The following SRGAP2B variants were observed in gnomAD, a reference collection of about 807,000 sequenced individuals.
SRGAP2B encodes the protein SLIT-ROBO Rho GTPase activating protein 2B.
SRGAP2B carries 9 observed loss-of-function variants against 22.2 expected under a neutral mutation model. That is an observed-to-expected ratio of 0.41 (90% CI 0.24 to 0.71). SRGAP2B has a LOEUF of 0.71. Ranked by LOEUF, SRGAP2B falls within the 30% of genes least tolerant of loss-of-function variation. The pLI is 0.35. For missense variants in SRGAP2B, 114 were observed against 235.8 expected, an observed-to-expected ratio of 0.48 and a Z score of 3.38; for synonymous variants, 36 against 87.4, an observed-to-expected ratio of 0.41 and a Z score of 3.28.
chr1:144,991,309 G>C (rs1570945948), intron 3 of SRGAP2B, among the ~76,000 whole-genome samples: 1 of 150,168 alleles, frequency 6.7e-6, no homozygotes, highest in Non-Finnish European at 1.5e-5. Flanking sequence ...TCCATATCTA[G>C]CTCAAGGTTT....
At chr1:144,956,737 C>T (rs2480392) in intron 3 of SRGAP2B, among the ~76,000 whole-genome samples, 3 of 150,080 alleles carry the variant, frequency 2.0e-5, no homozygotes, top group Admixed American at 1.3e-4. Context: ...AGTGAGCCAC[C>T]GCGCCCGGCC....
chr1:144,984,722 C>T (rs1553615643), intron 3 of SRGAP2B, among the ~76,000 whole-genome samples: 1 of 149,974 alleles, frequency 6.7e-6, no homozygotes, highest in Non-Finnish European at 1.5e-5. Flanking sequence ...CAACTGGTTT[C>T]CTTGGTCTCA....
chr1:145,019,756 A>G (rs1176214036), intron 2 of SRGAP2B, among the ~76,000 whole-genome samples: 1 of 142,350 alleles, frequency 7.0e-6, no homozygotes, highest in Non-Finnish European at 1.5e-5. Flanking sequence ...TGATGTAGAT[A>G]TAGATATTTA....
At chr1:144,934,403 CAAAAAAAAAA>C (rs782588401) in intron 4 of SRGAP2B, among the ~76,000 whole-genome samples, 18 of 40,692 alleles carry the variant, frequency 4.4e-4, no homozygotes, top group Admixed American at 9.4e-4. Context: ...AACTCCATCT[CAAAAAAAAAA>C]AAAAAAAAAA....
In SRGAP2B at chr1:145,064,707, G is replaced by A. The variant is rs1238590243; in HGVS notation, c.67+28128C>T. Among the ~76,000 whole-genome samples, 68 of 150,572 alleles carry A rather than the reference G, an allele frequency of 4.5e-4. 4 individuals are homozygous for A. Among genetic ancestry groups the A allele is most frequent in the African/African-American group, 1.5e-3 (61 of 40,202 alleles). On this transcript the variant is annotated intron_variant, in intron 2 of 9. Coordinates refer to ENST00000612199, the Ensembl canonical transcript of SRGAP2B. ...GCTGTCTTAGATCAGAGGAGATAGA[G>A]CTTTTACTCTAACAGAAGATATCAG...
At chr1:145,044,224 C>G (rs1208693034) in intron 2 of SRGAP2B, among the ~76,000 whole-genome samples, 1 of 131,108 alleles carries the variant, frequency 7.6e-6, no homozygotes, top group South Asian at 2.5e-4. Flanking sequence ...TTTTTTTTTG[C>G]CAGAAAGCAA....
In SRGAP2B at chr1:144,951,252, T is replaced by A. The variant is rs879950212; in HGVS notation, c.423+4187A>T. On this transcript the variant is annotated intron_variant, in intron 4 of 9. Coordinates refer to ENST00000612199, the Ensembl canonical transcript of SRGAP2B. ...GTACAGTGGCATGATTATAGATCAC[T>A]GCAGCCTCAAATTTCTGGGCTCAAG... Among the ~76,000 whole-genome samples, 48 of 146,858 alleles carry A rather than the reference T, an allele frequency of 3.3e-4. 1 individual carries two copies. Among genetic ancestry groups the A allele is most frequent in the Non-Finnish European group, 5.5e-4 (37 of 67,116 alleles).
intron 2 of SRGAP2B, among the ~76,000 whole-genome samples, chr1:145,067,305 A>C (rs1651613614): frequency 6.7e-6 from 1 of 149,590 alleles, no homozygotes; most frequent in Middle Eastern, 3.4e-3. Context: ...AAAAAAAAAA[A>C]ATTAGAAAAC....
intron 3 of SRGAP2B, among the ~76,000 whole-genome samples, chr1:144,991,291 A>G (rs1317700027): frequency 2.0e-5 from 3 of 148,308 alleles, no homozygotes; most frequent in Non-Finnish European, 4.4e-5. Context: ...AAATACACCA[A>G]TCGGCACTCC....
intron 2 of SRGAP2B, among the ~76,000 whole-genome samples, chr1:145,015,671 C>A (rs1553622990): frequency 6.8e-6 from 1 of 147,870 alleles, no homozygotes; most frequent in African/African-American, 2.6e-5. Context: ...GAAAAGTACT[C>A]CAGCCAACAG....
intron 3 of SRGAP2B, among the ~76,000 whole-genome samples, chr1:144,993,594 G>A (rs1670429143): frequency 6.7e-6 from 1 of 149,486 alleles, no homozygotes; most frequent in Admixed American, 6.6e-5. Flanking sequence ...TGCAGTCCCA[G>A]CTACTCAGGA....
intron 3 of SRGAP2B, among the ~76,000 whole-genome samples, chr1:144,968,758 C>CA (rs1196564365): frequency 9.7e-6 from 1 of 103,530 alleles, no homozygotes; most frequent in African/African-American, 4.2e-5. Context: ...CGTCTCAGCC[C>CA]AAAATCTCCT....
At chr1:144,987,744 TCAGCAGGATGGTTGTCTCTGCA>T (rs1283177318) in intron 3 of SRGAP2B, among the ~76,000 whole-genome samples, 16 of 151,696 alleles carry the variant, frequency 1.1e-4, no homozygotes, top group African/African-American at 3.9e-4. Flanking sequence ...CAATTCTGTT[TCAGCAGGATGGTTGTCTCTGCA>T]CAGCAATGCT....
intron 4 of SRGAP2B, among the ~76,000 whole-genome samples, chr1:144,948,908 T>TC (rs1473071285): frequency 1.7e-5 from 2 of 118,582 alleles, no homozygotes; most frequent in Non-Finnish European, 3.4e-5. Context: ...AATATGGACC[T>TC]CTTTTTTTTT....
rs587613878 is a variant in SRGAP2B at position 144,995,764 on chromosome 1, A to G, written c.68-564T>C. ...CATGAAGTAGGATGAAGGTCAGGAT[A>G]TTTTAACGGAGATAGGAAGAAAATC... On this transcript the variant is annotated intron_variant, in intron 2 of 9. Coordinates refer to ENST00000612199, the Ensembl canonical transcript of SRGAP2B. Among the ~76,000 whole-genome samples the G allele has an allele frequency of 1.6e-3, 247 of 150,812 alleles. 3 individuals carry two copies. The highest frequency in any genetic ancestry group is 2.3e-3 in the Non-Finnish European group (153 of 67,976).
chr1:144,933,362 T>C (rs1665353994), intron 4 of SRGAP2B, among the ~76,000 whole-genome samples: 2 of 150,272 alleles, frequency 1.3e-5, no homozygotes, highest in African/African-American at 2.5e-5. Context: ...CTATGTTTCA[T>C]GACCCACAAG....
intron 3 of SRGAP2B, among the ~76,000 whole-genome samples, chr1:144,963,986 A>C (rs1351669624): frequency 1.3e-5 from 2 of 151,050 alleles, no homozygotes; most frequent in Non-Finnish European, 2.9e-5. Context: ...GGCTCATAAC[A>C]ACAATGAAAA....
chr1:144,973,316 T>C (rs1416600150), intron 3 of SRGAP2B, among the ~76,000 whole-genome samples: 1 of 145,440 alleles, frequency 6.9e-6, no homozygotes, highest in Non-Finnish European at 1.5e-5. Context: ...TGGGAGATAA[T>C]TACGTATTCC....
rs1487868539 is a variant in SRGAP2B at position 145,081,084 on chromosome 1, A to C, written c.67+11751T>G. ...AGTGTGTACAGCATCTCATAGTTTC[A>C]ACTGAATTCTTTCATTTCAGCTTCA... is the stretch of plus-strand genomic sequence containing the variant. On this transcript the variant is annotated intron_variant, in intron 2 of 9. Transcript: ENST00000612199. Among the ~76,000 whole-genome samples the C allele has an allele frequency of 5.4e-5, 8 of 149,338 alleles. 1 individual carries two copies. Among genetic ancestry groups the C allele is most frequent in the African/African-American group, 2.0e-4 (8 of 39,298 alleles).
Sources: allele counts gnomAD v4.1 joint callset (sites outside exome capture counted in the v4.1 genomes callset), GRCh38; gene constraint gnomAD v4.1.1; transcripts MANE v1.5; gene names NCBI Gene and HGNC (gene_info 2026-07-23, HGNC 2026-07-21).